Variants in SYNPR observed in about 807,000 individuals in gnomAD.
SYNPR encodes the protein synaptoporin.
In SYNPR, 23 loss-of-function variants were observed where a neutral mutation model predicts 32.9. That is an observed-to-expected ratio of 0.70 (90% CI 0.50 to 0.99). The LOEUF (loss-of-function observed/expected upper bound fraction) is 0.99. Ranked by LOEUF, SYNPR falls within the 50% of genes least tolerant of loss-of-function variation. SYNPR has a pLI of 0.00. For synonymous variants in SYNPR, 146 were observed against 135.9 expected (o/e 1.07, Z -0.52); for missense variants, 318 against 349.3 (o/e 0.91, Z 0.71).
At chr3:63,248,637 T>A (rs1020430010) in intron 1 of SYNPR, among the ~76,000 whole-genome samples, 1 of 152,178 alleles carries the variant, frequency 6.6e-6, no homozygotes, top group African/African-American at 2.4e-5. Context: ...AGCTTCTCTT[T>A]GTGGAGTTCT....
intron 2 of SYNPR, among the ~76,000 whole-genome samples, chr3:63,380,041 T>A (rs2087946236): frequency 6.6e-6 from 1 of 152,210 alleles, no homozygotes; most frequent in African/African-American, 2.4e-5. Flanking sequence ...GGCTGCATAG[T>A]ATTCCATGGT....
intron 3 of SYNPR, among the ~76,000 whole-genome samples, chr3:63,493,855 T>G (rs1243967674): frequency 7.0e-6 from 1 of 142,918 alleles, no homozygotes; most frequent in Non-Finnish European, 1.5e-5. Flanking sequence ...TCCAAGACCC[T>G]ACCCCAGAGA....
At chr3:63,292,074 A>G (rs917210457) in intron 2 of SYNPR, among the ~76,000 whole-genome samples, 5 of 152,174 alleles carry the variant, frequency 3.3e-5, no homozygotes, top group African/African-American at 1.2e-4. Context: ...CTGTAACACA[A>G]TGGTATTTGT....
intron 2 of SYNPR, among the ~76,000 whole-genome samples, chr3:63,282,094 G>A (rs1478151946): frequency 6.6e-6 from 1 of 152,176 alleles, no homozygotes; most frequent in African/African-American, 2.4e-5. Flanking sequence ...CAGAAGACAT[G>A]TCTTTTGACA....
intron 3 of SYNPR, among the ~76,000 whole-genome samples, chr3:63,485,271 A>C (rs534927554): frequency 1.3e-5 from 2 of 152,278 alleles, no homozygotes; most frequent in Non-Finnish European, 2.9e-5. Context: ...GACCAAATGG[A>C]AAAGAAGTTG....
chr3:63,373,953 A>G (rs373796321), intron 2 of SYNPR, among the ~76,000 whole-genome samples: 2 of 152,218 alleles, frequency 1.3e-5, no homozygotes, highest in East Asian at 3.9e-4. Context: ...AGAAATTTCC[A>G]ATCAAGAATT....
intron 4 of SYNPR, among the ~76,000 whole-genome samples, chr3:63,575,737 A>G (rs1476198131): frequency 5.3e-5 from 8 of 152,218 alleles, no homozygotes; most frequent in Admixed American, 5.2e-4. Context: ...CACCAGGAGC[A>G]TACTTTGTTA....
intron 2 of SYNPR, among the ~76,000 whole-genome samples, chr3:63,299,493 G>C (rs1206406221): frequency 6.6e-6 from 1 of 151,898 alleles, no homozygotes; most frequent in Admixed American, 6.6e-5. Flanking sequence ...CTCACAGTTC[G>C]AGGGCCCAGT....
At chr3:63,498,976 A>C (rs188972913) in intron 3 of SYNPR, among the ~76,000 whole-genome samples, 3 of 136,712 alleles carry the variant, frequency 2.2e-5, no homozygotes, top group Admixed American at 2.1e-4. Context: ...ATAAAAAATT[A>C]AAAAAAAAAA....
At chr3:63,244,011 T>C (rs2086267250) in intron 1 of SYNPR, among the ~76,000 whole-genome samples, 1 of 152,100 alleles carries the variant, frequency 6.6e-6, no homozygotes, top group South Asian at 2.1e-4. Context: ...AGGAATCTAA[T>C]ACAAGGACTT....
At position 63,608,273 on chromosome 3, in the gene SYNPR, A is replaced by G. The variant is rs557497814; in HGVS notation, c.409-852A>G. ...TGTTACATCCTAGAAATTTCGTTTGATATGGATAAAAGCTTCTTTCCCCTG... is the reference window on the plus strand; with the variant it reads ...TGTTACATCCTAGAAATTTCGTTTGGTATGGATAAAAGCTTCTTTCCCCTG... On this transcript the variant is annotated intron_variant, in intron 4 of 5. Transcript: ENST00000478300. Among the ~76,000 whole-genome samples, 4 of 152,204 alleles carry G rather than the reference A, an allele frequency of 2.6e-5. No individual in the cohort carries two copies. In the East Asian group the frequency reaches 5.8e-4, roughly 22 times the overall value.
the SYNPR span, among the ~76,000 whole-genome samples, chr3:63,210,327 C>A: frequency 3.6e-3 from 547 of 152,286 alleles, 4 homozygotes; most frequent in African/African-American, 0.013. Flanking sequence ...GGTAACACAG[C>A]AGAAAGCCAG....
intron 4 of SYNPR, among the ~76,000 whole-genome samples, chr3:63,572,184 C>T (rs866095840): frequency 4.6e-5 from 7 of 152,258 alleles, no homozygotes; most frequent in Non-Finnish European, 7.4e-5. Context: ...AACTCGAAAT[C>T]TTTCTAATTG....
At chr3:63,235,909 T>C (rs2086197418) in intron 1 of SYNPR, among the ~76,000 whole-genome samples, 1 of 152,114 alleles carries the variant, frequency 6.6e-6, no homozygotes, top group African/African-American at 2.4e-5. Flanking sequence ...TTATTAATCA[T>C]GCTTTTTGTT....
chr3:63,305,605 A>G (rs1381892537), intron 2 of SYNPR, among the ~76,000 whole-genome samples: 5 of 151,962 alleles, frequency 3.3e-5, no homozygotes, highest in African/African-American at 1.2e-4. Context: ...TTTAATACAT[A>G]TACACTTCGG....
At chr3:63,367,976 A>G (rs962045833) in intron 2 of SYNPR, among the ~76,000 whole-genome samples, 1 of 152,180 alleles carries the variant, frequency 6.6e-6, no homozygotes, top group Non-Finnish European at 1.5e-5. Flanking sequence ...AATGGAAATT[A>G]GGGGCATAGG....
chr3:63,445,368 G>C (rs1700256564), intron 2 of SYNPR, among the ~76,000 whole-genome samples: 2 of 152,206 alleles, frequency 1.3e-5, no homozygotes, highest in South Asian at 4.1e-4. Context: ...GGGATCCTTA[G>C]TTGGAGTTAG....
chr3:63,412,856 A>G (rs1473574808), intron 2 of SYNPR, among the ~76,000 whole-genome samples: 4 of 152,118 alleles, frequency 2.6e-5, no homozygotes, highest in Admixed American at 2.6e-4. Context: ...GTGCAAGGGG[A>G]TAATAGGATC....
At chr3:63,253,370 T>G (rs897373464) in intron 2 of SYNPR, among the ~76,000 whole-genome samples, 15 of 152,186 alleles carry the variant, frequency 9.9e-5, no homozygotes, top group African/African-American at 3.6e-4. Flanking sequence ...AACAAACTCT[T>G]GAATGTTTTA....
Sources: gnomAD v4.1 joint callset for allele counts (sites outside exome capture counted in the v4.1 genomes callset) on GRCh38, gnomAD v4.1.1 for gene constraint, MANE v1.5 for transcripts, NCBI Gene and HGNC (gene_info 2026-07-23, HGNC 2026-07-21) for gene names.